The following LINC00305 variants were observed in gnomAD, a reference collection of about 807,000 sequenced individuals.
LINC00305 encodes long independently transcribed non-coding RNA 305.
At chr18:64,106,057 T>C (rs1331850027) in intron 1 of LINC00305, among the ~76,000 whole-genome samples, 1 of 152,238 alleles carries the variant, frequency 6.6e-6, no homozygotes, top group Non-Finnish European at 1.5e-5. Context: ...TACTAGCAAT[T>C]TGTCAACAGA....
chr18:64,108,828 A>G (rs564750936), intron 1 of LINC00305, among the ~76,000 whole-genome samples: 1 of 152,246 alleles, frequency 6.6e-6, no homozygotes, highest in African/African-American at 2.4e-5. Flanking sequence ...GTAAAAATAT[A>G]TAGGGTAGAG....
intron 3 of LINC00305, among the ~76,000 whole-genome samples, chr18:64,094,856 A>AAAATAAATAAAT (rs754074493): frequency 0.1 from 12,056 of 120,726 alleles, 607 homozygotes; most frequent in Non-Finnish European, 0.14. Context: ...TTCATCTCAA[A>AAAATAAATAAAT]AAATAAATAA....
chr18:64,148,407 AT>A (rs11338483), intron 1 of LINC00305, among the ~76,000 whole-genome samples: 28,640 of 150,024 alleles, frequency 0.19, 3,309 homozygotes, highest in African/African-American at 0.34. Context: ...AGAAAAATGC[AT>A]TTTTTTTTTT....
intron 1 of LINC00305, chr18:64,147,518 T>A (rs1263446870): frequency 6.6e-6 from 1 of 152,208 alleles, no homozygotes; most frequent in African/African-American, 2.4e-5. Flanking sequence ...GTACAACTGA[T>A]ATACAAATAC....
intron 3 of LINC00305, among the ~76,000 whole-genome samples, chr18:64,090,984 T>C (rs1273793412): frequency 6.6e-6 from 1 of 152,236 alleles, no homozygotes; most frequent in African/African-American, 2.4e-5. Flanking sequence ...CAACACTTTC[T>C]GCCATTGACT....
At chr18:64,145,522 A>G (rs910873295) in intron 1 of LINC00305, among the ~76,000 whole-genome samples, 72 of 152,316 alleles carry the variant, frequency 4.7e-4, no homozygotes, top group East Asian at 5.8e-4. Context: ...CTGGGAACAA[A>G]GAGAGAGCCC....
intron 1 of LINC00305, among the ~76,000 whole-genome samples, chr18:64,118,473 A>G (rs537388889): frequency 3.5e-4 from 54 of 152,226 alleles, no homozygotes; most frequent in Non-Finnish European, 6.5e-4. Context: ...TATACATTAT[A>G]TGGATATAAA....
chr18:64,127,127 G>A (rs2051388968), intron 1 of LINC00305, among the ~76,000 whole-genome samples: 1 of 152,012 alleles, frequency 6.6e-6, no homozygotes, highest in African/African-American at 2.4e-5. Flanking sequence ...CATGTTAGGT[G>A]TCCAAAATAA....
intron 1 of LINC00305, among the ~76,000 whole-genome samples, chr18:64,111,178 G>C (rs1040451024): frequency 6.6e-6 from 1 of 152,180 alleles, no homozygotes; most frequent in Admixed American, 6.5e-5. Context: ...TATTTCATCA[G>C]GATGGTTGCC....
chr18:64,143,092 A>G (rs1176916397), intron 1 of LINC00305, among the ~76,000 whole-genome samples: 1 of 152,214 alleles, frequency 6.6e-6, no homozygotes, highest in Non-Finnish European at 1.5e-5. Context: ...AAGATGTAAG[A>G]GTAAACAGTG....
chr18:64,103,545 G>C (rs2051276457), intron 1 of LINC00305, among the ~76,000 whole-genome samples: 1 of 151,888 alleles, frequency 6.6e-6, no homozygotes, highest in African/African-American at 2.4e-5. Flanking sequence ...TCTGTCCAAG[G>C]GCTTTGTTTC....
intron 3 of LINC00305, among the ~76,000 whole-genome samples, chr18:64,090,265 T>C (rs1443803280): frequency 6.6e-6 from 1 of 152,198 alleles, no homozygotes; most frequent in African/African-American, 2.4e-5. Flanking sequence ...ATTAGAATAG[T>C]TGCCAAGCAC....
chr18:64,143,195 T>C (rs1197885827), intron 1 of LINC00305, among the ~76,000 whole-genome samples: 1 of 152,184 alleles, frequency 6.6e-6, no homozygotes, highest in East Asian at 1.9e-4. Context: ...TAGTCCTTTA[T>C]TTAAAAATGA....
At chr18:64,133,282 CA>C (rs1248267167) in intron 1 of LINC00305, among the ~76,000 whole-genome samples, 1 of 152,098 alleles carries the variant, frequency 6.6e-6, no homozygotes, top group Non-Finnish European at 1.5e-5. Context: ...GAATCTATTG[CA>C]TTAATTGACT....
chr18:64,096,570 C>T (rs571550260), intron 3 of LINC00305, among the ~76,000 whole-genome samples: 38 of 151,854 alleles, frequency 2.5e-4, no homozygotes, highest in African/African-American at 7.7e-4. Flanking sequence ...TATTAAATGT[C>T]GAGCGTTAAC....
intron 3 of LINC00305, among the ~76,000 whole-genome samples, chr18:64,085,564 G>A (rs1420060650): frequency 6.6e-6 from 1 of 152,018 alleles, no homozygotes; most frequent in African/African-American, 2.4e-5. Context: ...CCGGGTTCAA[G>A]AGATTCTCCT....
chr18:64,109,192 G>C (rs1348271821), intron 1 of LINC00305, among the ~76,000 whole-genome samples: 1 of 152,160 alleles, frequency 6.6e-6, no homozygotes, highest in Non-Finnish European at 1.5e-5. Context: ...AGGCTAACAG[G>C]GTCTTGAAAC....
intron 3 of LINC00305, among the ~76,000 whole-genome samples, chr18:64,088,430 T>A (rs541397262): frequency 6.6e-6 from 1 of 152,344 alleles, no homozygotes; most frequent in East Asian, 1.9e-4. Context: ...GCAGTCTTCC[T>A]AAATATTTCC....
intron 1 of LINC00305, among the ~76,000 whole-genome samples, chr18:64,137,088 T>A (rs534863423): frequency 6.6e-6 from 1 of 152,240 alleles, no homozygotes; most frequent in Admixed American, 6.5e-5. Context: ...TTCTCATGAG[T>A]CTTAATTAGT....
Sources: allele counts gnomAD v4.1 joint callset (sites outside exome capture counted in the v4.1 genomes callset), GRCh38; gene constraint gnomAD v4.1.1; transcripts MANE v1.5; gene names NCBI Gene and HGNC (gene_info 2026-07-23, HGNC 2026-07-21).